CPLANE1: variants seen among roughly 807,000 people sequenced by gnomAD.
CPLANE1 encodes ciliogenesis and planar polarity effector complex subunit 1, also known as ciliogenesis and planar polarity effector 1.
A neutral mutation model predicts 362.5 loss-of-function variants in CPLANE1; 263 were observed. The observed-to-expected ratio is 0.73, with a 90% CI of 0.66 to 0.80. The LOEUF (loss-of-function observed/expected upper bound fraction) is 0.80, where lower values mean the gene tolerates loss of function less well. Ranked by LOEUF, CPLANE1 falls within the 30% of genes least tolerant of loss-of-function variation. The pLI, the probability that CPLANE1 is intolerant of heterozygous loss-of-function variation, is 0.00. For synonymous variants in CPLANE1, 1,212 were observed against 1,302.6 expected (o/e 0.93, Z 1.50); for missense variants, 3,461 against 3,793.4 (o/e 0.91, Z 2.30).
intron 15 of CPLANE1, among the ~76,000 whole-genome samples, chr5:37,214,143 A>G (rs1793390985): frequency 6.6e-6 from 1 of 152,182 alleles, no homozygotes; most frequent in South Asian, 2.1e-4. Flanking sequence ...AGTACCATAA[A>G]ATACATATAA....
At chr5:37,094,992 T>C in the CPLANE1 span, among the ~76,000 whole-genome samples, 3 of 152,148 alleles carry the variant, frequency 2.0e-5, no homozygotes, top group Non-Finnish European at 4.4e-5. Flanking sequence ...ACAACAGAAT[T>C]CTACCAAACA....
the CPLANE1 span, among the ~76,000 whole-genome samples, chr5:37,099,819 T>C: frequency 6.6e-6 from 1 of 151,690 alleles, no homozygotes; most frequent in African/African-American, 2.4e-5. Context: ...TTTCTTGACA[T>C]CTTAATTATC....
chr5:37,198,295 C>T (rs1788141589), intron 20 of CPLANE1, among the ~76,000 whole-genome samples: 2 of 152,096 alleles, frequency 1.3e-5, no homozygotes, highest in Admixed American at 6.6e-5. Context: ...TGGAGGCTAC[C>T]GGATGGAAAC....
In CPLANE1 at chr5:37,179,514, A is replaced by G. The variant is rs1050789641; in HGVS notation, c.5738-71T>C. ...AAGCTATTGACTTTTTAGGGGGCTC[A>G]GGGAATATTACCAGAAACAATATAA... On this transcript the variant is annotated intron_variant, in intron 28 of 52. Transcript: ENST00000651892. The G allele has an allele frequency of 4.3e-6, 4 of 926,548 alleles. No individual in the cohort carries two copies. In the African/African-American group the frequency reaches 6.7e-5, roughly 15 times the overall value. 57.4% of individuals were successfully genotyped at this position (926,548 alleles called of 1,614,324 possible).
intron 50 of CPLANE1, among the ~76,000 whole-genome samples, chr5:37,119,273 C>G (rs1579859553): frequency 6.6e-6 from 1 of 152,266 alleles, no homozygotes; most frequent in African/African-American, 2.4e-5. Flanking sequence ...TCTATCAGAA[C>G]TTGATTTGTT....
intron 9 of CPLANE1, among the ~76,000 whole-genome samples, chr5:37,230,271 A>G (rs1448434806): frequency 6.6e-6 from 1 of 151,980 alleles, no homozygotes; most frequent in Non-Finnish European, 1.5e-5. Flanking sequence ...TAATAAGTAA[A>G]AGAACCGGTA....
intron 46 of CPLANE1, among the ~76,000 whole-genome samples, chr5:37,126,437 A>T (rs1216395347): frequency 2.0e-5 from 3 of 152,112 alleles, no homozygotes; most frequent in African/African-American, 7.2e-5. Context: ...TTTACCATTG[A>T]CCTGGCTGAA....
At position 37,205,360 on chromosome 5, in the gene CPLANE1, A is replaced by G; in HGVS notation, c.3244T>C (p.Leu1082=). The change falls in exon 18 of 53, where the codon TTG becomes CTG. Residue 1082 remains leucine, a synonymous_variant. Coordinates refer to ENST00000651892, the MANE Select transcript of CPLANE1 (RefSeq NM_001384732.1). Reference sequence around the variant, plus strand: ...GAGCCCATTTCATTTTTTGCTTCCAAAGAGGCTGGTTGACCTAAAACACAC... The same window carrying G: ...GAGCCCATTTCATTTTTTGCTTCCAGAGAGGCTGGTTGACCTAAAACACAC... The part of the protein sequence containing the change: ...LQCVLGQPAS[L]EAKNEMGSKY... The G allele has an allele frequency of 6.4e-7, 1 of 1,551,046 alleles. No homozygotes were observed. The highest frequency in any genetic ancestry group is 8.7e-7 in the Non-Finnish European group (1 of 1,146,702).
chr5:37,124,304 T>C (rs1319587609), intron 47 of CPLANE1, among the ~76,000 whole-genome samples: 4 of 152,204 alleles, frequency 2.6e-5, no homozygotes, highest in Admixed American at 2.6e-4. Context: ...GTAATTTTCA[T>C]AGTAATGTGA....
intron 8 of CPLANE1, among the ~76,000 whole-genome samples, chr5:37,237,545 T>A (rs529065379): frequency 5.2e-4 from 79 of 152,302 alleles, no homozygotes; most frequent in Non-Finnish European, 9.0e-4. Flanking sequence ...AACATATGCA[T>A]GTAAGAAATA....
intron 46 of CPLANE1, among the ~76,000 whole-genome samples, chr5:37,131,080 G>C (rs1202829546): frequency 6.6e-6 from 1 of 152,168 alleles, no homozygotes; most frequent in East Asian, 1.9e-4. Flanking sequence ...TGAGTACTTT[G>C]CCAACGTATT....
At chr5:37,077,123 G>A in the CPLANE1 span, among the ~76,000 whole-genome samples, 2 of 152,064 alleles carry the variant, frequency 1.3e-5, no homozygotes, top group African/African-American at 2.4e-5. Flanking sequence ...CTGCTCTAAG[G>A]CGAATCAGAT....
At chr5:37,218,559 T>A (rs1418374073) in intron 15 of CPLANE1, among the ~76,000 whole-genome samples, 1 of 152,140 alleles carries the variant, frequency 6.6e-6, no homozygotes, top group Non-Finnish European at 1.5e-5. Flanking sequence ...ATCTTCTGAG[T>A]TTTCCTAGTG....
chr5:37,202,939 T>C (rs1463387065), intron 18 of CPLANE1, among the ~76,000 whole-genome samples: 1 of 150,422 alleles, frequency 6.6e-6, no homozygotes, highest in African/African-American at 2.4e-5. Context: ...CTTTATATAT[T>C]TTATATATAT....
chr5:37,117,237 T>C (rs935801570), intron 50 of CPLANE1, among the ~76,000 whole-genome samples: 4 of 151,684 alleles, frequency 2.6e-5, no homozygotes, highest in African/African-American at 7.3e-5. Flanking sequence ...TGTTCGAGTA[T>C]TTCATCTGTT....
At chr5:37,089,827 C>T in the CPLANE1 span, among the ~76,000 whole-genome samples, 4 of 152,192 alleles carry the variant, frequency 2.6e-5, no homozygotes, top group Admixed American at 2.6e-4. Flanking sequence ...AGTGCTTCCT[C>T]AAGGAATGCT....
chr5:37,098,872 C>A, the CPLANE1 span, among the ~76,000 whole-genome samples: 1 of 125,050 alleles, frequency 8.0e-6, no homozygotes, highest in Non-Finnish European at 1.6e-5. Flanking sequence ...ACCTATGGAA[C>A]ACAGCAAAAG....
At chr5:37,126,244 C>G (rs759679426) in intron 46 of CPLANE1, among the ~76,000 whole-genome samples, 1 of 151,830 alleles carries the variant, frequency 6.6e-6, no homozygotes, top group Non-Finnish European at 1.5e-5. Flanking sequence ...CTCAAAAAAA[C>G]AAAAAAATTG....
rs903101936 is a variant in CPLANE1 at position 37,231,726 on chromosome 5, A to C, written c.939-677T>G. On this transcript the variant is annotated intron_variant, in intron 8 of 52. Transcript: ENST00000651892. The stretch of plus-strand genomic sequence containing the variant: ...TCAACAGCAGACTCTCCCTCTTCCC[A>C]AAGCTCTAACTGGTACTACTCCTTA... 4.2e-4 allele frequency among the ~76,000 whole-genome samples: 64 copies of C among 152,032 alleles called. 1 individual carries two copies. The highest frequency in any genetic ancestry group is 1.3e-4 in the Non-Finnish European group (9 of 67,994).
Sources: allele counts gnomAD v4.1 joint callset (sites outside exome capture counted in the v4.1 genomes callset), GRCh38; gene constraint gnomAD v4.1.1; transcripts MANE v1.5; gene names NCBI Gene and HGNC (gene_info 2026-07-23, HGNC 2026-07-21).